PFKFB4: variants seen among roughly 807,000 people sequenced by gnomAD.
The protein encoded by PFKFB4 is 6-phosphofructo-2-kinase/fructose-2,6-bisphosphatase 4.
A neutral mutation model predicts 62.8 loss-of-function variants in PFKFB4; 42 were observed. The observed-to-expected ratio is 0.67, with a 90% CI of 0.52 to 0.86. The LOEUF (loss-of-function observed/expected upper bound fraction) is 0.86. Ranked by LOEUF, PFKFB4 falls within the 40% of genes least tolerant of loss-of-function variation. The pLI, the probability that PFKFB4 is intolerant of heterozygous loss-of-function variation, is 0.00. For synonymous variants in PFKFB4, 204 were observed against 240.7 expected, an observed-to-expected ratio of 0.85 and a Z score of 1.41; for missense variants, 475 against 627.2, an observed-to-expected ratio of 0.76 and a Z score of 2.59.
chr3:48,542,128 C>T (rs989235728), intron 4 of PFKFB4, among the ~76,000 whole-genome samples: 3 of 152,010 alleles, frequency 2.0e-5, no homozygotes, highest in African/African-American at 4.8e-5. Flanking sequence ...AGGCGGATCA[C>T]GAGGTCAGGA....
At chr3:48,523,028 T>G (rs2042146243) in intron 12 of PFKFB4, among the ~76,000 whole-genome samples, 1 of 149,722 alleles carries the variant, frequency 6.7e-6, no homozygotes, top group African/African-American at 2.4e-5. Flanking sequence ...CCCAAAGTGC[T>G]GGGATTACAG....
chr3:48,531,189 G>C (rs1030854494), intron 9 of PFKFB4, among the ~76,000 whole-genome samples: 1 of 151,754 alleles, frequency 6.6e-6, no homozygotes, highest in Non-Finnish European at 1.5e-5. Flanking sequence ...AACACAGCAA[G>C]ACCACATCTC....
chr3:48,530,855 C>A (rs1038392328), intron 9 of PFKFB4, among the ~76,000 whole-genome samples: 3 of 151,986 alleles, frequency 2.0e-5, no homozygotes, highest in African/African-American at 7.2e-5. Context: ...TACAGGCATG[C>A]GCCACCACGC....
chr3:48,538,110 T>C (rs1404111938), intron 7 of PFKFB4, among the ~76,000 whole-genome samples: 4 of 152,206 alleles, frequency 2.6e-5, no homozygotes, highest in African/African-American at 4.8e-5. Context: ...ACATATCATC[T>C]ATGTTTCATT....
At chr3:48,528,384 G>A (rs777518119) in intron 9 of PFKFB4, among the ~76,000 whole-genome samples, 3 of 152,304 alleles carry the variant, frequency 2.0e-5, no homozygotes, top group Non-Finnish European at 4.4e-5. Flanking sequence ...AACTTATGCC[G>A]GATGCGGTGG....
At chr3:48,562,969 G>A, upstream of PFKFB4, 1 of 1,607,078 alleles carries the variant, frequency 6.2e-7, no homozygotes, top group Non-Finnish European at 8.5e-7. This position sits in a 1 kb window ranked among gnomAD's most constrained non-coding sequence, Gnocchi z 4.3. Context: ...ACGGCCATGT[G>A]GGAGCAGCTG....
At chr3:48,538,713 G>A (rs2042707891) in intron 6 of PFKFB4, 94 bp from the exon 7 acceptor site, 2 of 1,533,408 alleles carry the variant, frequency 1.3e-6, no homozygotes, top group African/African-American at 1.4e-5. Context: ...GGCTGGAGGA[G>A]GTTGCACCGG....
intron 7 of PFKFB4, among the ~76,000 whole-genome samples, chr3:48,537,549 G>A (rs1480253368): frequency 7.1e-6 from 1 of 140,954 alleles, no homozygotes; most frequent in African/African-American, 2.7e-5. Context: ...TTTGAGACAG[G>A]GTCTCACTCT....
Position 48,542,333 on chromosome 3 carries a change from CAAAAAA to C in PFKFB4, c.378+1241_378+1246del, listed in dbSNP as rs1229597350. Among the ~76,000 whole-genome samples, 104 of 58,906 alleles carry C rather than the reference CAAAAAA, an allele frequency of 1.8e-3. 2 individuals are homozygous for C. The highest frequency in any genetic ancestry group is 6.0e-3 in the African/African-American group (100 of 16,614). The allele number at this position is 58,906 out of a possible 152,430, so 38.6% of individuals were successfully genotyped here. On this transcript the variant is annotated intron_variant, in intron 4 of 13. Transcript: ENST00000232375. ...TGGGTGACAGAGCGAGACTCCATCTCAAAAAAAAAAAAAAAGAAAGAAAGAAAATTA... is the reference window on the plus strand; with the variant it reads ...TGGGTGACAGAGCGAGACTCCATCTCAAAAAAAAAGAAAGAAAGAAAATTA...
At chr3:48,547,623 C>T (rs987435255) in intron 3 of PFKFB4, among the ~76,000 whole-genome samples, 1 of 152,120 alleles carries the variant, frequency 6.6e-6, no homozygotes, top group African/African-American at 2.4e-5. Context: ...TGACAGGCGC[C>T]CCACCACATG....
chr3:48,538,694 T>C lies in PFKFB4; in HGVS notation c.511-75A>G, dbSNP rs1035765240. 5.5e-5 allele frequency: 88 copies of C among 1,594,146 alleles called. 1 individual carries two copies. The highest frequency in any genetic ancestry group is 7.0e-5 in the Non-Finnish European group (82 of 1,168,008). On this transcript the variant is annotated intron_variant, in intron 6 of 13. Transcript: ENST00000232375. ...CGGGGCCAGAGACCAAGGAGACTGC[T>C]GGGCAGGGGGCTGGAGGAGGTTGCA...
upstream of PFKFB4, chr3:48,559,556 G>A (rs1317339678): frequency 1.3e-5 from 6 of 457,008 alleles, no homozygotes; most frequent in East Asian, 6.9e-5. Context: ...CTGTCCCAGC[G>A]TCTGCTCTCT....
chr3:48,525,427 C>T, intron 10 of PFKFB4, 138 bp downstream of exon 10: 1 of 535,128 alleles, frequency 1.9e-6, no homozygotes, highest in Non-Finnish European at 3.4e-6. Flanking sequence ...GAACCACACA[C>T]CCAGGCTGGC....
upstream of PFKFB4, chr3:48,561,048 C>A: frequency 7.8e-7 from 1 of 1,280,240 alleles, no homozygotes; most frequent in Admixed American, 2.4e-5. This position sits in a 1 kb window ranked among gnomAD's most constrained non-coding sequence, Gnocchi z 5.2. Flanking sequence ...TGTCCCGTGC[C>A]TACCCCGCCT....
intron 13 of PFKFB4, 49 bp from the exon 14 acceptor site, chr3:48,519,855 G>A (rs1257536642): frequency 7.0e-7 from 1 of 1,426,904 alleles, no homozygotes; most frequent in Non-Finnish European, 9.9e-7. Flanking sequence ...GAATAGATGA[G>A]ATGCCTGCTG....
intron 1 of PFKFB4, among the ~76,000 whole-genome samples, chr3:48,551,278 C>T (rs553252173): frequency 1.5e-3 from 216 of 145,132 alleles, no homozygotes; most frequent in African/African-American, 5.3e-3. Context: ...GGCAGTGGTG[C>T]GATCTTGGCT....
chr3:48,533,031 T>C (rs540897534), intron 9 of PFKFB4, among the ~76,000 whole-genome samples: 1 of 152,308 alleles, frequency 6.6e-6, no homozygotes, highest in East Asian at 1.9e-4. Context: ...AATAGAGTTA[T>C]TGTTTTTCTT....
At chr3:48,530,277 T>TA (rs1351133368) in intron 9 of PFKFB4, among the ~76,000 whole-genome samples, 1 of 151,704 alleles carries the variant, frequency 6.6e-6, no homozygotes, top group Non-Finnish European at 1.5e-5. Flanking sequence ...TAAATAAAAA[T>TA]AAAATAAAAT....
intron 1 of PFKFB4, among the ~76,000 whole-genome samples, chr3:48,555,024 T>C (rs2043268377): frequency 7.6e-6 from 1 of 131,504 alleles, no homozygotes; most frequent in Non-Finnish European, 1.6e-5. Context: ...CACTACAACC[T>C]GGGCAACAAG....
Sources: gnomAD v4.1 joint callset for allele counts (sites outside exome capture counted in the v4.1 genomes callset) on GRCh38, gnomAD v4.1.1 for gene constraint, Gnocchi (gnomAD v3.1) non-coding constraint, MANE v1.5 for transcripts, NCBI Gene and HGNC (gene_info 2026-07-23, HGNC 2026-07-21) for gene names.